The following KIF13B variants were observed in gnomAD, a reference collection of about 807,000 sequenced individuals.
KIF13B encodes the protein kinesin family member 13B, also known as kinesin-like protein KIF13B.
Under a neutral mutation model 222.0 loss-of-function variants are expected in KIF13B, and 127 were observed. The observed-to-expected ratio is 0.57, with a 90% confidence interval of 0.50 to 0.66. The LOEUF is 0.66. KIF13B is among the 30% of genes least tolerant of loss of function. KIF13B has a pLI of 0.00. For missense variants in KIF13B, 2,173 were observed against 2,379.0 expected, an observed-to-expected ratio of 0.91 and a Z score of 1.80; for synonymous variants, 976 against 919.0, an observed-to-expected ratio of 1.06 and a Z score of -1.12.
intron 2 of KIF13B, among the ~76,000 whole-genome samples, chr8:29,203,251 T>G (rs112370547): frequency 6.6e-6 from 1 of 152,346 alleles, no homozygotes; most frequent in South Asian, 2.1e-4. Flanking sequence ...TTTACTGGTC[T>G]TCCTTTCACC....
chr8:29,216,742 T>A (rs984649040), intron 2 of KIF13B, among the ~76,000 whole-genome samples: 19 of 152,316 alleles, frequency 1.2e-4, no homozygotes, highest in African/African-American at 4.3e-4. Context: ...GATGCTTGTT[T>A]CAAATTATCT....
intron 37 of KIF13B, among the ~76,000 whole-genome samples, chr8:29,075,894 G>GT (rs1362708434): frequency 1.3e-5 from 2 of 152,220 alleles, no homozygotes; most frequent in African/African-American, 4.8e-5. Context: ...AGCAAAGCAA[G>GT]AAGACAGCTG....
intron 5 of KIF13B, among the ~76,000 whole-genome samples, chr8:29,187,533 A>T (rs1443007793): frequency 6.6e-6 from 1 of 152,200 alleles, no homozygotes; most frequent in African/African-American, 2.4e-5. Context: ...TCCGTCTCAA[A>T]ATAAAAGATT....
chr8:29,257,339 GTTT>G (rs990836798), intron 1 of KIF13B, among the ~76,000 whole-genome samples: 2 of 147,478 alleles, frequency 1.4e-5, no homozygotes, highest in East Asian at 4.0e-4. Context: ...TCGAGTTTTT[GTTT>G]TTTTTTTTAA....
At chr8:29,245,580 A>T in intron 1 of KIF13B, 141 bp from the exon 2 acceptor site, 1 of 620,538 alleles carries the variant, frequency 1.6e-6, no homozygotes. Flanking sequence ...AACTTCCTCC[A>T]CTTGATAAGG....
At position 29,124,020 on chromosome 8, in the gene KIF13B, C is replaced by T. The variant is rs1050397697; in HGVS notation, c.3352+4G>A. On this transcript the variant is annotated splice_donor_region_variant and intron_variant, in intron 27 of 39. Transcript: ENST00000524189. Reference sequence around the variant, plus strand: ...GAGAAAAATATTCTATTTGTTTTTCCTACCACGTTTACTGACAAGCTTTTG... The same window carrying T: ...GAGAAAAATATTCTATTTGTTTTTCTTACCACGTTTACTGACAAGCTTTTG... The T allele has an allele frequency of 3.2e-6, 5 of 1,573,836 alleles. No individual in the cohort carries two copies. In the African/African-American group the frequency reaches 6.8e-5, roughly 21 times the overall value.
chr8:29,198,916 G>C (rs965702703), intron 2 of KIF13B, among the ~76,000 whole-genome samples: 4 of 152,090 alleles, frequency 2.6e-5, no homozygotes, highest in Non-Finnish European at 5.9e-5. Context: ...TGGAGACTCA[G>C]AAGAGGGGGA....
At chr8:29,110,785 T>G (rs1809321403) in intron 32 of KIF13B, 1 of 152,214 alleles carries the variant, frequency 6.6e-6, no homozygotes, top group Non-Finnish European at 1.5e-5. Context: ...ATTAATGTAT[T>G]TAGTTATTTC....
intron 7 of KIF13B, 118 bp downstream of exon 7, chr8:29,181,801 T>C (rs1812724291): frequency 5.3e-6 from 3 of 566,336 alleles, no homozygotes; most frequent in Non-Finnish European, 9.1e-6. Context: ...TGTAAAGTGA[T>C]TTATTAAGTG....
intron 8 of KIF13B, among the ~76,000 whole-genome samples, chr8:29,179,163 G>A (rs1484531542): frequency 6.7e-6 from 1 of 148,922 alleles, no homozygotes; most frequent in African/African-American, 2.5e-5. Flanking sequence ...TTGCTCTGTT[G>A]CCCAGGGCAG....
At chr8:29,241,658 G>C (rs969969214) in intron 2 of KIF13B, among the ~76,000 whole-genome samples, 1 of 144,930 alleles carries the variant, frequency 6.9e-6, no homozygotes, top group Non-Finnish European at 1.5e-5. Context: ...ACATCACAGC[G>C]AAGCAGTCTC....
intron 12 of KIF13B, 143 bp from the exon 13 acceptor site, chr8:29,161,010 G>C (rs772930786): frequency 2.0e-5 from 13 of 634,682 alleles, no homozygotes; most frequent in Non-Finnish European, 3.2e-5. Context: ...TAGATTTATT[G>C]CATTTTTCTC....
chr8:29,069,802 A>T lies in KIF13B; in HGVS notation c.*702T>A, dbSNP rs1443745303. 1 of 152,252 alleles carries T rather than the reference A, an allele frequency of 6.6e-6. No individual in the cohort carries two copies. Among genetic ancestry groups the T allele is most frequent in the Non-Finnish European group, 1.5e-5 (1 of 68,058 alleles). The allele number at this position is 152,252 out of a possible 1,614,324, so 9.4% of individuals were successfully genotyped here. On this transcript the variant is annotated 3_prime_UTR_variant, in exon 40 of 40. Coordinates refer to ENST00000524189, the MANE Select transcript of KIF13B (RefSeq NM_015254.4). Reference sequence around the variant, plus strand: ...TGTGAAGGGAATAAACGGCAAACATAAGAGACTTTCCAGGTGTCTAAAGAT... The same window carrying T: ...TGTGAAGGGAATAAACGGCAAACATTAGAGACTTTCCAGGTGTCTAAAGAT...
intron 24 of KIF13B, 77 bp downstream of exon 24, chr8:29,130,456 C>T (rs1810294785): frequency 1.4e-6 from 2 of 1,438,260 alleles, no homozygotes; most frequent in South Asian, 1.2e-5. Flanking sequence ...TTATTGCCAA[C>T]ATTTCCACTA....
chr8:29,195,022 T>C (rs1374183448), intron 3 of KIF13B, among the ~76,000 whole-genome samples: 1 of 151,456 alleles, frequency 6.6e-6, no homozygotes, highest in Non-Finnish European at 1.5e-5. Context: ...CCGAGGTGGG[T>C]GCATCATTTG....
At chr8:29,178,280 T>TA (rs138145523) in intron 8 of KIF13B, among the ~76,000 whole-genome samples, 76 of 149,522 alleles carry the variant, frequency 5.1e-4, no homozygotes, top group African/African-American at 1.1e-3. Flanking sequence ...AATTCTGACA[T>TA]AAAAAAAAAA....
At chr8:29,183,000 C>T (rs535753991) in intron 6 of KIF13B, among the ~76,000 whole-genome samples, 1 of 151,968 alleles carries the variant, frequency 6.6e-6, no homozygotes. Flanking sequence ...ATACAATTCT[C>T]ATTTGTCAAT....
chr8:29,089,653 G>A (rs1292038595), intron 37 of KIF13B, among the ~76,000 whole-genome samples: 2 of 152,082 alleles, frequency 1.3e-5, no homozygotes, highest in African/African-American at 4.8e-5. Flanking sequence ...CAGCACTTTG[G>A]GAGGCTGAGG....
intron 2 of KIF13B, among the ~76,000 whole-genome samples, chr8:29,204,247 G>T (rs1697766666): frequency 1.3e-5 from 2 of 152,178 alleles, no homozygotes; most frequent in Non-Finnish European, 1.5e-5. Context: ...TTAGAAATAT[G>T]AAGACTCTGA....
Sources: gnomAD v4.1 joint callset for allele counts (sites outside exome capture counted in the v4.1 genomes callset) on GRCh38, gnomAD v4.1.1 for gene constraint, MANE v1.5 for transcripts, NCBI Gene and HGNC (gene_info 2026-07-23, HGNC 2026-07-21) for gene names.